Variants in NSF observed in about 807,000 individuals in gnomAD.
The protein encoded by NSF is vesicle-fusing ATPase.
A neutral mutation model predicts 50.3 loss-of-function variants in NSF; 14 were observed. That is an observed-to-expected ratio of 0.28 (90% confidence interval 0.18 to 0.44). NSF has a LOEUF of 0.44. Ranked by LOEUF, NSF falls within the 20% of genes least tolerant of loss-of-function variation. The pLI, the probability that NSF is intolerant of heterozygous loss-of-function variation, is 1.00. For synonymous variants in NSF, 109 were observed against 175.7 expected, an observed-to-expected ratio of 0.62 and a Z score of 3.00; for missense variants, 218 against 504.3, an observed-to-expected ratio of 0.43 and a Z score of 5.44.
intron 17 of NSF, among the ~76,000 whole-genome samples, chr17:46,739,965 G>C (rs2059053441): frequency 6.6e-6 from 1 of 152,178 alleles, no homozygotes; most frequent in African/African-American, 2.4e-5. Context: ...CTCCCAAAGT[G>C]CTGGGATTAC....
intron 17 of NSF, among the ~76,000 whole-genome samples, chr17:46,734,626 A>G (rs940697528): frequency 2.6e-5 from 4 of 152,206 alleles, no homozygotes; most frequent in African/African-American, 9.7e-5. Flanking sequence ...AAGATAATGT[A>G]TAGTGAATGT....
At position 46,599,840 on chromosome 17, in the gene NSF, C is replaced by T. The variant is rs1026865723; in HGVS notation, c.12+9053C>T. Among the ~76,000 whole-genome samples the T allele has an allele frequency of 7.1e-3, 337 of 47,218 alleles. 14 individuals carry two copies. Among genetic ancestry groups the T allele is most frequent in the African/African-American group, 0.032 (310 of 9,756 alleles). The allele number at this position is 47,218 out of a possible 152,430, so 31.0% of individuals were successfully genotyped here. Reference sequence around the variant, plus strand: ...CGGTGAGCGAGATCACAACTCCAGCCTGGGCCACAAGAGTGAAACTCAGTC... The same window carrying T: ...CGGTGAGCGAGATCACAACTCCAGCTTGGGCCACAAGAGTGAAACTCAGTC... On this transcript the variant is annotated intron_variant, in intron 1 of 20. Transcript: ENST00000398238.
intron 17 of NSF, among the ~76,000 whole-genome samples, chr17:46,739,595 A>G (rs893856202): frequency 4.6e-5 from 7 of 152,040 alleles, no homozygotes; most frequent in Non-Finnish European, 7.4e-5. Flanking sequence ...GAGGCCTTCC[A>G]GAGAGCAAGG....
intron 16 of NSF, among the ~76,000 whole-genome samples, chr17:46,728,273 T>C (rs1023112009): frequency 2.6e-5 from 4 of 152,246 alleles, no homozygotes; most frequent in Non-Finnish European, 4.4e-5. Flanking sequence ...TTCCGTTTTA[T>C]TGAAATTCCT....
intron 1 of NSF, among the ~76,000 whole-genome samples, chr17:46,609,582 TAATAA>T (rs1334353484): frequency 6.7e-6 from 1 of 148,242 alleles, no homozygotes; most frequent in African/African-American, 2.5e-5. Flanking sequence ...TGTTTCTAAA[TAATAA>T]AATATGTAAA....
Position 46,755,320 on chromosome 17 carries a change from C to G in NSF, c.2164C>G (p.Pro722Ala), listed in dbSNP as rs988366760. ...TTTCTTCTGATGTATTTAGATGGAT[C>G]CTGAATACCGTGTGAGAAAATTCTT... The part of the protein sequence containing the change: ...MLIEMSLQMD[P>A]EYRVRKFLAL... Residue 722 changes from proline to alanine, a missense_variant, in exon 20 of 21, where the codon CCT (proline) becomes GCT (alanine). Transcript: ENST00000398238. 2 of 1,612,854 alleles carry G rather than the reference C, an allele frequency of 1.2e-6. No individual in the cohort carries two copies. Among genetic ancestry groups the G allele is most frequent in the Non-Finnish European group, 1.7e-6 (2 of 1,178,808 alleles).
rs1041613205 is a variant in NSF at position 46,719,312 on chromosome 17, T to C, written c.1761+5326T>C. 1.3e-5 allele frequency among the ~76,000 whole-genome samples: 2 copies of C among 152,240 alleles called. No individual in the cohort carries two copies. The highest frequency in any genetic ancestry group is 4.8e-5 in the African/African-American group (2 of 41,466). ...CATCTTTACCTACCACTTTATTACT[T>C]AAACCAACAGGTAAGAGTTTTAGTA... On this transcript the variant is annotated intron_variant, in intron 15 of 20. Transcript: ENST00000398238. The surrounding 1 kb of genome is among the most constrained non-coding windows in gnomAD (Gnocchi z 4.3).
intron 17 of NSF, among the ~76,000 whole-genome samples, chr17:46,740,123 C>T (rs1178353198): frequency 6.6e-6 from 1 of 152,076 alleles, no homozygotes; most frequent in Non-Finnish European, 1.5e-5. Flanking sequence ...TTTTTCAGTA[C>T]TAGGAGTGAG....
chr17:46,679,694 A>G lies in NSF; in HGVS notation c.945+5081A>G, dbSNP rs1033607026. 2.7e-5 allele frequency among the ~76,000 whole-genome samples: 4 copies of G among 147,724 alleles called. No individual in the cohort carries two copies. The East Asian group carries it at 7.8e-4, about 29-fold the overall frequency. ...GTAACAAAAGTGAAACTCCATGTCA[A>G]AAAAAAAAAAAAGAAGCTAATAATG... is the stretch of plus-strand genomic sequence containing the variant. On this transcript the variant is annotated intron_variant, in intron 9 of 20. Coordinates refer to ENST00000398238, the MANE Select transcript of NSF (RefSeq NM_006178.4).
At chr17:46,737,315 T>C (rs2059015439) in intron 17 of NSF, among the ~76,000 whole-genome samples, 1 of 152,210 alleles carries the variant, frequency 6.6e-6, no homozygotes, top group South Asian at 2.1e-4. Flanking sequence ...GGTTACCAGA[T>C]TTAGCAGATA....
At chr17:46,731,327 TG>T (rs1320426204) in intron 17 of NSF, among the ~76,000 whole-genome samples, 1 of 152,078 alleles carries the variant, frequency 6.6e-6, no homozygotes, top group Non-Finnish European at 1.5e-5. Context: ...GGCCTAGGGC[TG>T]GGAGGGGAGA....
intron 15 of NSF, among the ~76,000 whole-genome samples, chr17:46,718,470 A>G (rs1036507286): frequency 6.6e-6 from 1 of 152,378 alleles, no homozygotes; most frequent in African/African-American, 2.4e-5. Flanking sequence ...TTATACTTGT[A>G]TCAAAATGGT....
chr17:46,724,172 A>G (rs1464473876), intron 15 of NSF, among the ~76,000 whole-genome samples: 1 of 152,202 alleles, frequency 6.6e-6, no homozygotes, highest in Admixed American at 6.5e-5. Context: ...ACTGTTGTTC[A>G]TGCTTCAAGT....
rs549068756 is a variant in NSF, at chr17:46,751,623, T to C, written c.2157+7T>C. ...GATCGAGATGTCCCTACAGGTAAGG[T>C]ACTTCGTTCTCCGTATGACTCAGAC... On this transcript the variant is annotated splice_region_variant and intron_variant, in intron 19 of 20. Transcript: ENST00000398238. 6.4e-7 allele frequency: 1 copy of C among 1,571,396 alleles called. No individual in the cohort carries two copies. Among genetic ancestry groups the C allele is most frequent in the African/African-American group, 1.3e-5 (1 of 74,354 alleles).
intron 17 of NSF, among the ~76,000 whole-genome samples, chr17:46,749,371 G>A (rs1479429410): frequency 1.3e-5 from 2 of 152,164 alleles, no homozygotes; most frequent in Non-Finnish European, 1.5e-5. Context: ...TCTAAAAAGT[G>A]TACTAAAGCC....
chr17:46,722,880 C>T (rs769843957), intron 15 of NSF, among the ~76,000 whole-genome samples: 1 of 152,176 alleles, frequency 6.6e-6, no homozygotes, highest in Non-Finnish European at 1.5e-5. Context: ...TCGTCATGGT[C>T]GGTGTGTTAA....
chr17:46,713,895 C>G lies in NSF; in HGVS notation c.1670C>G (p.Ala557Gly). The G allele has an allele frequency of 6.2e-7, 1 of 1,612,652 alleles. No individual in the cohort carries two copies. The highest frequency in any genetic ancestry group is 8.5e-7 in the Non-Finnish European group (1 of 1,179,580). ...SGKTALAAKI[A>G]EESNFPFIKI... ...AAGACTGCTTTAGCTGCAAAAATTG[C>G]AGAGGAATCCAACTTCCCGTTCATC... The change falls in exon 15 of 21, where the codon GCA becomes GGA. Residue 557 changes from alanine to glycine, a missense_variant. Transcript: ENST00000398238.
chr17:46,749,654 C>G (rs1262845508), intron 17 of NSF, 119 bp from the exon 18 acceptor site: 3 of 919,210 alleles, frequency 3.3e-6, no homozygotes, highest in Non-Finnish European at 4.7e-6. Flanking sequence ...TCTGTTTTGC[C>G]TAATCATTTG....
At position 46,602,680 on chromosome 17, in the gene NSF, A is replaced by G. The variant is rs1200161208; in HGVS notation, c.12+11893A>G. 4.3e-5 allele frequency among the ~76,000 whole-genome samples: 6 copies of G among 139,408 alleles called. 1 individual carries two copies. In the South Asian group the frequency reaches 7.0e-4, roughly 16 times the overall value. 91.5% of individuals were successfully genotyped at this position (139,408 alleles called of 152,430 possible). Reference sequence around the variant, plus strand: ...ATTTTTGTAGTTGCTTTGACAAGCAATGAAACTACCAATTATCACTAATTC... The same window carrying G: ...ATTTTTGTAGTTGCTTTGACAAGCAGTGAAACTACCAATTATCACTAATTC... On this transcript the variant is annotated intron_variant, in intron 1 of 20. Transcript: ENST00000398238.
Sources: allele counts gnomAD v4.1 joint callset (sites outside exome capture counted in the v4.1 genomes callset), GRCh38; gene constraint gnomAD v4.1.1; non-coding constraint Gnocchi (gnomAD v3.1); transcripts MANE v1.5; gene names NCBI Gene and HGNC (gene_info 2026-07-23, HGNC 2026-07-21).